SYNE2: variants seen among roughly 807,000 people sequenced by gnomAD.
SYNE2 encodes spectrin repeat containing nuclear envelope protein 2.
SYNE2 carries 431 observed loss-of-function variants against 856.3 expected under a neutral mutation model. The ratio of observed to expected loss-of-function variants is 0.50; its 90% CI spans 0.47 to 0.55. SYNE2 has a LOEUF of 0.55. Among genes scored for constraint, SYNE2 ranks in the 20% least tolerant of loss-of-function variants. SYNE2 has a pLI of 0.00. For synonymous variants in SYNE2, 2,923 were observed against 2,872.3 expected (o/e 1.02, Z -0.56); for missense variants, 8,129 against 8,023.2 (o/e 1.01, Z -0.50).
chr14:64,103,243 A>G (rs912366499), intron 64 of SYNE2, among the ~76,000 whole-genome samples: 5 of 152,264 alleles, frequency 3.3e-5, no homozygotes, highest in Non-Finnish European at 7.4e-5. Context: ...AAACTGACCA[A>G]ACAGATACCT....
intron 89 of SYNE2, 89 bp from the exon 90 acceptor site, chr14:64,165,196 T>C (rs1567518469): frequency 9.6e-6 from 14 of 1,452,760 alleles, no homozygotes; most frequent in Admixed American, 5.2e-5. Flanking sequence ...CAAAAACATC[T>C]TGAATTTTTA....
rs1490685345 is a variant in SYNE2 at position 63,948,814 on chromosome 14, A to G, written c.409-1011A>G. On this transcript the variant is annotated intron_variant, in intron 6 of 115. Coordinates refer to ENST00000555002, the MANE Select transcript of SYNE2 (RefSeq NM_182914.3). ...TATATATATATATATATATATATAT[A>G]TATATATATGTAGCTTAATTTCCGA... 2.6e-5 allele frequency among the ~76,000 whole-genome samples: 3 copies of G among 114,558 alleles called. No individual in the cohort carries two copies. The South Asian group carries it at 8.1e-4, about 31-fold the overall frequency. 75.2% of individuals were successfully genotyped at this position (114,558 alleles called of 152,430 possible).
intron 1 of SYNE2, among the ~76,000 whole-genome samples, chr14:63,889,046 CAAAAAAAA>C (rs200729691): frequency 9.2e-6 from 1 of 108,640 alleles, no homozygotes; most frequent in Non-Finnish European, 1.9e-5. Context: ...TACTAAAATA[CAAAAAAAA>C]AAAAAAAAAA....
chr14:64,151,864 A>G (rs2098247172), intron 84 of SYNE2, among the ~76,000 whole-genome samples: 1 of 152,202 alleles, frequency 6.6e-6, no homozygotes. Context: ...TTGGATTTCA[A>G]CTGCAATCCT....
chr14:64,148,496 C>T (rs1001635282), intron 84 of SYNE2, among the ~76,000 whole-genome samples: 11 of 152,250 alleles, frequency 7.2e-5, no homozygotes, highest in African/African-American at 2.6e-4. Flanking sequence ...ACATTTGCAG[C>T]TGATTGCAGA....
Position 64,215,293 on chromosome 14 carries a change from A to G in SYNE2, c.19341A>G (p.Glu6447=). The G allele has an allele frequency of 6.2e-7, 1 of 1,614,150 alleles. No homozygotes were observed. The highest frequency in any genetic ancestry group is 8.5e-7 in the Non-Finnish European group (1 of 1,180,004). ...GACATTGTTCTTTTTCAGATGTAGA[A>G]ATCCCTGAAAATCCTGAGGCATATC... ...GPYYSALSDV[E]IPENPEAYLK... The change falls in exon 107 of 116, where the codon GAA becomes GAG. Residue 6447 remains glutamate, a synonymous_variant. Transcript: ENST00000555002.
Position 64,016,626 on chromosome 14 carries a change from C to T in SYNE2, c.4882C>T (p.Leu1628Phe). 6.3e-7 allele frequency: 1 copy of T among 1,587,390 alleles called. No homozygotes were observed. ...GGCTAATATTATTGTGGATAGATGG[C>T]TTGATGTAAGTGATAATTTCATTGA... ...KEANIIVDRW[L>F]DINEKTEDYY... The change falls in exon 33 of 116, where the codon CTT becomes TTT. Residue 1628 changes from leucine to phenylalanine, a missense_variant. By Grantham distance (22) the Leu-to-Phe change is conservative. Transcript: ENST00000555002.
Position 64,007,138 on chromosome 14 carries a change from A to G in SYNE2, c.4493A>G (p.Lys1498Arg). The change falls in exon 31 of 116, where the codon AAA (lysine) becomes AGA (arginine). Residue 1498 changes from lysine (K) to arginine (R), a missense_variant. Coordinates refer to ENST00000555002, the MANE Select transcript of SYNE2 (RefSeq NM_182914.3). ...ATGGCTAATTCTCTTCCACACTTCAAAGATGGCAGAGAAAAAACCGTGAAT... is the reference window on the plus strand; with the variant it reads ...ATGGCTAATTCTCTTCCACACTTCAGAGATGGCAGAGAAAAAACCGTGAAT... ...QEMANSLPHFKDGREKTVNQQ... is the reference protein window; with the variant it reads ...QEMANSLPHFRDGREKTVNQQ... The G allele has an allele frequency of 6.2e-7, 1 of 1,614,096 alleles. No individual in the cohort carries two copies. The highest frequency in any genetic ancestry group is 1.1e-5 in the South Asian group (1 of 91,084).
chr14:63,916,252 AT>A (rs1318392343), intron 2 of SYNE2, among the ~76,000 whole-genome samples: 2 of 152,178 alleles, frequency 1.3e-5, no homozygotes, highest in Non-Finnish European at 2.9e-5. Context: ...TTTCATTTTT[AT>A]GGAGGTGAAG....
Position 64,143,869 on chromosome 14 carries a change from A to G in SYNE2, c.15404A>G (p.Tyr5135Cys), listed in dbSNP as rs556819169. 7 of 1,614,204 alleles carry G rather than the reference A, an allele frequency of 4.3e-6. No individual in the cohort carries two copies. The highest frequency in any genetic ancestry group is 1.7e-5 in the Admixed American group (1 of 60,014). Residue 5135 changes from tyrosine to cysteine, a missense_variant, in exon 83 of 116, where the codon TAT becomes TGT. Transcript: ENST00000555002. ...ACCTGTGATGTAGAAAGCAAGCGCT[A>G]TGAAAGAACGGAGTTTGCAGAGCAC... is the stretch of plus-strand genomic sequence containing the variant. Reference protein sequence around the residue: ...LSTCDVESKRYERTEFAEHLG... With the variant: ...LSTCDVESKRCERTEFAEHLG...
chr14:64,000,251 T>A (rs1371936986), intron 27 of SYNE2, among the ~76,000 whole-genome samples: 1 of 152,240 alleles, frequency 6.6e-6, no homozygotes, highest in African/African-American at 2.4e-5. Flanking sequence ...GAATATCTGT[T>A]CTTACATGTA....
intron 76 of SYNE2, 50 bp downstream of exon 76, chr14:64,130,298 A>G: frequency 6.8e-7 from 1 of 1,474,286 alleles, no homozygotes; most frequent in Non-Finnish European, 9.4e-7. Flanking sequence ...TAAAATCTTA[A>G]GGTATTTCTG....
chr14:64,180,652 C>T (rs555974683), intron 96 of SYNE2, among the ~76,000 whole-genome samples: 6 of 152,120 alleles, frequency 3.9e-5, no homozygotes, highest in South Asian at 2.1e-4. Flanking sequence ...TATAGGCACC[C>T]GCCACCACGC....
At chr14:64,141,810 TTG>T in intron 81 of SYNE2, 130 bp from the exon 82 acceptor site, 1 of 1,234,062 alleles carries the variant, frequency 8.1e-7, no homozygotes, top group South Asian at 1.4e-5. Flanking sequence ...AATGCTGGGT[TTG>T]TTTTTTTTTT....
intron 1 of SYNE2, among the ~76,000 whole-genome samples, chr14:63,837,944 A>G: frequency 6.7e-6 from 1 of 149,660 alleles, no homozygotes; most frequent in East Asian, 1.9e-4. Flanking sequence ...AAAAAAAAAG[A>G]GCAAAGTATC....
At chr14:64,147,285 A>G (rs1297784015) in intron 84 of SYNE2, among the ~76,000 whole-genome samples, 1 of 152,144 alleles carries the variant, frequency 6.6e-6, no homozygotes, top group Non-Finnish European at 1.5e-5. Flanking sequence ...AGCTGCTTCC[A>G]GCCCACTTGC....
chr14:63,881,429 G>A (rs1300860457), intron 1 of SYNE2, among the ~76,000 whole-genome samples: 2 of 151,786 alleles, frequency 1.3e-5, no homozygotes, highest in South Asian at 2.1e-4. Context: ...TGGGAGGATC[G>A]TTTGAAGACA....
chr14:63,967,272 G>C (rs1397919924), intron 10 of SYNE2, among the ~76,000 whole-genome samples: 3 of 152,140 alleles, frequency 2.0e-5, no homozygotes, highest in Admixed American at 6.5e-5. Context: ...AAAATGAATT[G>C]GGAAGAATAA....
intron 97 of SYNE2, among the ~76,000 whole-genome samples, chr14:64,187,048 G>C (rs1221782520): frequency 6.6e-6 from 1 of 152,194 alleles, no homozygotes; most frequent in African/African-American, 2.4e-5. Flanking sequence ...TTTATTTCAA[G>C]TAGCTGGTTT....
Sources: gnomAD v4.1 joint callset for allele counts (sites outside exome capture counted in the v4.1 genomes callset) on GRCh38, gnomAD v4.1.1 for gene constraint, MANE v1.5 for transcripts, NCBI Gene and HGNC (gene_info 2026-07-23, HGNC 2026-07-21) for gene names.